The following TENM2 variants were observed in gnomAD, a reference collection of about 807,000 sequenced individuals.
TENM2 encodes the protein teneurin transmembrane protein 2.
A neutral mutation model predicts 245.2 loss-of-function variants in TENM2; 52 were observed. The ratio of observed to expected loss-of-function variants is 0.21; its 90% CI spans 0.17 to 0.27. The LOEUF (loss-of-function observed/expected upper bound fraction) is 0.27, where lower values mean the gene tolerates loss of function less well. TENM2 is among the 10% of genes least tolerant of loss of function. The pLI is 1.00. For synonymous variants in TENM2, 1,363 were observed against 1,438.9 expected, an observed-to-expected ratio of 0.95 and a Z score of 1.19; for missense variants, 3,046 against 3,666.8, an observed-to-expected ratio of 0.83 and a Z score of 4.37.
At position 167,375,248 on chromosome 5, in the gene TENM2, C is replaced by G. The variant is rs1760677662; in HGVS notation, c.277C>G (p.Arg93Gly). 3.2e-6 allele frequency: 5 copies of G among 1,551,700 alleles called. No individual in the cohort carries two copies. In the South Asian group the frequency reaches 4.8e-5, roughly 15 times the overall value. ...GGGCATCTGTGAGCCCTCCCCACAC[C>G]GAAGCGGCTACTGCTCCGACATGGG... The change falls in exon 2 of 29, where the codon CGA (arginine) becomes GGA (glycine). Residue 93 changes from arginine to glycine, a missense_variant. Physicochemically the swap from Arg to Gly is moderately radical, Grantham distance 125. Around this residue, in one of 2 missense-constraint regions of TENM2, gnomAD observed 342 missense variants for 335.0 expected, o/e 1.02. Coordinates refer to ENST00000518659, the Ensembl canonical transcript of TENM2.
intron 2 of TENM2, among the ~76,000 whole-genome samples, chr5:167,831,766 A>C (rs1292565287): frequency 1.3e-5 from 2 of 152,174 alleles, no homozygotes; most frequent in Admixed American, 1.3e-4. Flanking sequence ...GTCATATAAT[A>C]GCCTTAATGG....
intron 1 of TENM2, among the ~76,000 whole-genome samples, chr5:167,323,839 C>T (rs762069635): frequency 9.0e-4 from 137 of 152,274 alleles, no homozygotes; most frequent in African/African-American, 3.1e-3. Context: ...CAAATATCAA[C>T]GTCACCTGTG....
chr5:167,282,447 T>C (rs1324964684), upstream of TENM2, among the ~76,000 whole-genome samples: 1 of 152,214 alleles, frequency 6.6e-6, no homozygotes, highest in African/African-American at 2.4e-5. Flanking sequence ...GAAAAAAACA[T>C]TTTTAAAATC....
At chr5:167,859,677 T>G (rs1771523535) in intron 2 of TENM2, among the ~76,000 whole-genome samples, 1 of 90,162 alleles carries the variant, frequency 1.1e-5, no homozygotes, top group African/African-American at 5.3e-5. Context: ...CAGCCGCCCC[T>G]ACTGGGAAGT....
intron 5 of TENM2, among the ~76,000 whole-genome samples, chr5:168,044,032 C>T (rs1158113345): frequency 6.6e-6 from 1 of 152,216 alleles, no homozygotes; most frequent in Non-Finnish European, 1.5e-5. Flanking sequence ...ATAGTTTCCT[C>T]ATCTGTGAAA....
chr5:167,512,438 C>T (rs1331501872), intron 2 of TENM2, among the ~76,000 whole-genome samples: 5 of 152,044 alleles, frequency 3.3e-5, no homozygotes, highest in African/African-American at 9.7e-5. Flanking sequence ...AGGTGCATGA[C>T]AGTGCATAAT....
intron 13 of TENM2, among the ~76,000 whole-genome samples, chr5:168,172,741 T>C (rs1360684851): frequency 1.3e-5 from 2 of 152,200 alleles, no homozygotes; most frequent in South Asian, 2.1e-4. Context: ...AATGCATTTT[T>C]GCCACAAAGC....
the TENM2 span, among the ~76,000 whole-genome samples, chr5:167,204,289 G>A: frequency 6.6e-6 from 1 of 152,094 alleles, no homozygotes; most frequent in Non-Finnish European, 1.5e-5. Flanking sequence ...AGGTCAATTA[G>A]ACAACAGCAT....
chr5:167,795,739 TA>T (rs1171101773), intron 2 of TENM2, among the ~76,000 whole-genome samples: 1 of 152,118 alleles, frequency 6.6e-6, no homozygotes, highest in Non-Finnish European at 1.5e-5. Context: ...TAGTATACAT[TA>T]AGGCAAACAG....
chr5:167,471,703 C>G (rs764585873), intron 2 of TENM2, among the ~76,000 whole-genome samples: 18 of 152,214 alleles, frequency 1.2e-4, no homozygotes, highest in Non-Finnish European at 1.9e-4. Context: ...GACATTCCCA[C>G]AGCTCTTGTT....
At chr5:168,239,508 G>GCAGTAAATC (rs1765902000) in intron 25 of TENM2, among the ~76,000 whole-genome samples, 1 of 152,118 alleles carries the variant, frequency 6.6e-6, no homozygotes, top group Non-Finnish European at 1.5e-5. Context: ...CTAAGTAACA[G>GCAGTAAATC]CAGTAAATCC....
At chr5:167,822,692 T>TC (rs397789042) in intron 2 of TENM2, among the ~76,000 whole-genome samples, 54 of 151,434 alleles carry the variant, frequency 3.6e-4, no homozygotes, top group South Asian at 8.4e-4. Flanking sequence ...GTCTTTTTTT[T>TC]CCTCTCTAAT....
intron 3 of TENM2, among the ~76,000 whole-genome samples, chr5:167,877,097 G>C (rs369664685): frequency 2.0e-5 from 3 of 152,156 alleles, no homozygotes; most frequent in African/African-American, 7.2e-5. Context: ...AATTACTCCT[G>C]ACCTAAAGGC....
intron 5 of TENM2, among the ~76,000 whole-genome samples, chr5:168,042,979 G>T (rs1788324162): frequency 6.6e-6 from 1 of 152,188 alleles, no homozygotes; most frequent in Non-Finnish European, 1.5e-5. Context: ...AGCGGAGCCT[G>T]TCAGATCATG....
intron 5 of TENM2, among the ~76,000 whole-genome samples, chr5:168,045,711 T>C (rs1788551960): frequency 6.6e-6 from 1 of 152,216 alleles, no homozygotes; most frequent in African/African-American, 2.4e-5. Flanking sequence ...AACCCAATAG[T>C]ATCATTTTTT....
intron 4 of TENM2, among the ~76,000 whole-genome samples, chr5:167,953,127 TA>T (rs1561975523): frequency 6.6e-6 from 1 of 152,238 alleles, no homozygotes; most frequent in Non-Finnish European, 1.5e-5. Context: ...AACATGCTTA[TA>T]AGGGTATATT....
At chr5:167,618,392 T>C (rs1317551030) in intron 2 of TENM2, among the ~76,000 whole-genome samples, 3 of 151,978 alleles carry the variant, frequency 2.0e-5, no homozygotes, top group Non-Finnish European at 4.4e-5. Flanking sequence ...AAATGGTGAG[T>C]AGTTATCAAC....
intron 2 of TENM2, among the ~76,000 whole-genome samples, chr5:167,652,188 TG>T (rs960539485): frequency 6.6e-6 from 1 of 152,204 alleles, no homozygotes; most frequent in Non-Finnish European, 1.5e-5. Context: ...GATTCATCTT[TG>T]GGACTGGAAA....
At chr5:167,371,334 G>GTTTTT (rs768614312) in intron 1 of TENM2, among the ~76,000 whole-genome samples, 1 of 128,966 alleles carries the variant, frequency 7.8e-6, no homozygotes. Context: ...ATGGCTCCCT[G>GTTTTT]TTTTTTTTTT....
Sources: allele counts gnomAD v4.1 joint callset (sites outside exome capture counted in the v4.1 genomes callset), GRCh38; gene constraint gnomAD v4.1.1; regional missense constraint gnomAD v4.1.1; transcripts MANE v1.5; gene names NCBI Gene and HGNC (gene_info 2026-07-23, HGNC 2026-07-21).